BBS12: variants seen among roughly 807,000 people sequenced by gnomAD.
The protein encoded by BBS12 is Bardet-Biedl syndrome 12.
A neutral mutation model predicts 5.6 loss-of-function variants in BBS12; 5 were observed. The observed-to-expected ratio is 0.89, with a 90% CI of 0.46 to 1.86. BBS12 has a LOEUF of 1.86. BBS12 is among the 40% of genes most tolerant of loss of function. BBS12 has a pLI of 0.01. For missense variants in BBS12, 748 were observed against 830.4 expected (o/e 0.90, Z 1.22); for synonymous variants, 308 against 306.8 (o/e 1.00, Z -0.04).
At chr4:122,722,059 T>G in the BBS12 span, among the ~76,000 whole-genome samples, 1 of 151,906 alleles carries the variant, frequency 6.6e-6, no homozygotes, top group African/African-American at 2.4e-5. Context: ...GCTTTATATT[T>G]TTACCTTTCA....
upstream of BBS12, chr4:122,729,063 C>T (rs1349867772): frequency 6.6e-6 from 1 of 152,326 alleles, no homozygotes; most frequent in Non-Finnish European, 1.5e-5. Context: ...CTTCAGTCTC[C>T]CATGACCAGA....
chr4:122,727,544 A>ATTTTTTTT, the BBS12 span, among the ~76,000 whole-genome samples: 606 of 82,270 alleles, frequency 7.4e-3, 139 homozygotes, highest in African/African-American at 0.034. Context: ...CCCCTGGCCA[A>ATTTTTTTT]TTTTTTTTTT....
chr4:122,733,376 AACAC>A (rs3034555), intron 1 of BBS12, among the ~76,000 whole-genome samples: 9,801 of 88,054 alleles, frequency 0.11, 1,002 homozygotes, highest in Middle Eastern at 0.16. Context: ...CTCCAACCCC[AACAC>A]ACACACACAC....
At chr4:122,710,116 C>T in the BBS12 span, among the ~76,000 whole-genome samples, 15 of 152,160 alleles carry the variant, frequency 9.9e-5, no homozygotes, top group African/African-American at 1.4e-4. Context: ...AAACCTAAAT[C>T]TTTTCATGGA....
the BBS12 span, among the ~76,000 whole-genome samples, chr4:122,714,396 G>A: frequency 6.6e-6 from 1 of 152,190 alleles, no homozygotes. Flanking sequence ...AGCAGGCCAA[G>A]ATGGTGGCTA....
Position 122,743,988 on chromosome 4 carries a change from T to A in BBS12, c.2096T>A (p.Ile699Lys), listed in dbSNP as rs762266326. Residue 699 changes from isoleucine (I) to lysine (K), a missense_variant, in exon 2 of 2, where the codon ATA becomes AAA. Coordinates refer to ENST00000314218, the MANE Select transcript of BBS12 (RefSeq NM_152618.3). ...EIITGHGHTQ[I>K]NSQELTGFLF... ...ATTACTGGACATGGACACACACAGA[T>A]AAATTCACAGGAATTAACGGGCTTT... 1 of 1,614,074 alleles carries A rather than the reference T, an allele frequency of 6.2e-7. No homozygotes were observed.
chr4:122,720,832 C>A, the BBS12 span, among the ~76,000 whole-genome samples: 2 of 148,536 alleles, frequency 1.3e-5, no homozygotes, highest in Non-Finnish European at 3.0e-5. Context: ...CACTTGGGTA[C>A]ATCATAGTTA....
Position 122,743,495 on chromosome 4 carries a change from G to C in BBS12, c.1603G>C (p.Val535Leu), listed in dbSNP as rs1341712403. Reference sequence around the variant, plus strand: ...GTATTATGCTCTAAAAGAGGAAAAGGTCTTCCTTGGAGGTGGTGCAGTTGA... The same window carrying C: ...GTATTATGCTCTAAAAGAGGAAAAGCTCTTCCTTGGAGGTGGTGCAGTTGA... ...RLYYALKEEK[V>L]FLGGGAVEFL... is the part of the protein sequence containing the mutation. The change falls in exon 2 of 2, where the codon GTC becomes CTC. Residue 535 changes from valine (V) to leucine (L), a missense_variant. Transcript: ENST00000314218. 6.2e-7 allele frequency: 1 copy of C among 1,614,090 alleles called. No homozygotes were observed. The highest frequency in any genetic ancestry group is 1.3e-5 in the African/African-American group (1 of 74,920).
chr4:122,713,316 T>TA, the BBS12 span, among the ~76,000 whole-genome samples: 3 of 152,140 alleles, frequency 2.0e-5, no homozygotes, highest in African/African-American at 7.2e-5. Context: ...AATGTATTTT[T>TA]AATTTTTTTT....
chr4:122,710,239 C>CA, the BBS12 span, among the ~76,000 whole-genome samples: 1 of 151,872 alleles, frequency 6.6e-6, no homozygotes, highest in Non-Finnish European at 1.5e-5. Context: ...GTAGGTTATC[C>CA]AAAAAAATCT....
At position 122,744,080 on chromosome 4, in the gene BBS12, T is replaced by G; in HGVS notation, c.*55T>G. The G allele has an allele frequency of 1.3e-6, 2 of 1,544,484 alleles. No homozygotes were observed. The highest frequency in any genetic ancestry group is 1.8e-6 in the Non-Finnish European group (2 of 1,119,778). The stretch of plus-strand genomic sequence containing the variant: ...TTTTCATAATATGTCATGCTAATAA[T>G]AAATATATTGATAGCCAAGTCATGG... On this transcript the variant is annotated 3_prime_UTR_variant, in exon 2 of 2. Coordinates refer to ENST00000314218, the MANE Select transcript of BBS12 (RefSeq NM_152618.3).
At chr4:122,716,499 A>G in the BBS12 span, among the ~76,000 whole-genome samples, 6 of 151,102 alleles carry the variant, frequency 4.0e-5, no homozygotes, top group South Asian at 1.2e-3. Flanking sequence ...GATTAGAAAA[A>G]AAGTTGTAAA....
the BBS12 span, among the ~76,000 whole-genome samples, chr4:122,715,006 T>C: frequency 1.3e-5 from 2 of 152,050 alleles, no homozygotes; most frequent in Non-Finnish European, 2.9e-5. Context: ...CCCGATGAGA[T>C]TCTTTAACCT....
the BBS12 span, among the ~76,000 whole-genome samples, chr4:122,722,574 A>T: frequency 6.6e-6 from 1 of 152,128 alleles, no homozygotes; most frequent in African/African-American, 2.4e-5. Context: ...GTTTCTCTCA[A>T]TACTTCTTAA....
the BBS12 span, among the ~76,000 whole-genome samples, chr4:122,702,507 T>C: frequency 1.3e-5 from 2 of 152,172 alleles, no homozygotes; most frequent in Non-Finnish European, 2.9e-5. Flanking sequence ...GAATTAGGGC[T>C]AGTCTTGGAC....
the BBS12 span, among the ~76,000 whole-genome samples, chr4:122,719,219 A>G: frequency 6.6e-6 from 1 of 152,252 alleles, no homozygotes; most frequent in East Asian, 1.9e-4. Flanking sequence ...AAAAAATTGT[A>G]AACGCACCAA....
chr4:122,737,908 C>T (rs1212521292), intron 1 of BBS12, among the ~76,000 whole-genome samples: 2 of 152,174 alleles, frequency 1.3e-5, no homozygotes, highest in African/African-American at 4.8e-5. Flanking sequence ...ATGCTAAGGC[C>T]ACTCCATGGG....
In BBS12 at chr4:122,744,039, G is replaced by A. The variant is rs939389667; in HGVS notation, c.*14G>A. ...CTATTTTTGTAGTGTTACTGGCTAAGTCTTTGGAAAATAATTTTTCATAAT... is the reference window on the plus strand; with the variant it reads ...CTATTTTTGTAGTGTTACTGGCTAAATCTTTGGAAAATAATTTTTCATAAT... On this transcript the variant is annotated 3_prime_UTR_variant, in exon 2 of 2. Transcript: ENST00000314218. 3 of 1,603,916 alleles carry A rather than the reference G, an allele frequency of 1.9e-6. No individual in the cohort carries two copies. The highest frequency in any genetic ancestry group is 2.7e-5 in the African/African-American group (2 of 74,664).
At chr4:122,721,398 G>C in the BBS12 span, among the ~76,000 whole-genome samples, 1 of 152,200 alleles carries the variant, frequency 6.6e-6, no homozygotes, top group Non-Finnish European at 1.5e-5. Flanking sequence ...TCCATCTTTA[G>C]GGAATTGTTA....
Sources: gnomAD v4.1 joint callset for allele counts (sites outside exome capture counted in the v4.1 genomes callset) on GRCh38, gnomAD v4.1.1 for gene constraint, MANE v1.5 for transcripts, NCBI Gene and HGNC (gene_info 2026-07-23, HGNC 2026-07-21) for gene names.